CAMTA1: variants seen among roughly 807,000 people sequenced by gnomAD.
The protein encoded by CAMTA1 is calmodulin-binding transcription activator 1.
A neutral mutation model predicts 170.9 loss-of-function variants in CAMTA1; 27 were observed. The observed-to-expected ratio is 0.16, with a 90% CI of 0.12 to 0.22. The LOEUF is 0.22. Ranked by LOEUF, CAMTA1 falls within the 10% of genes least tolerant of loss-of-function variation. The pLI, the probability that CAMTA1 is intolerant of heterozygous loss-of-function variation, is 1.00. For missense variants in CAMTA1, 1,619 were observed against 2,217.2 expected, an observed-to-expected ratio of 0.73 and a Z score of 5.42; for synonymous variants, 833 against 891.5, an observed-to-expected ratio of 0.93 and a Z score of 1.17.
At chr1:7,199,594 G>T (rs934982521) in intron 4 of CAMTA1, among the ~76,000 whole-genome samples, 6 of 152,156 alleles carry the variant, frequency 3.9e-5, no homozygotes, top group Non-Finnish European at 7.3e-5. Flanking sequence ...CCAAGGCAGC[G>T]GTGGGCACGC....
intron 3 of CAMTA1, among the ~76,000 whole-genome samples, chr1:7,068,311 C>T (rs114433142): frequency 0.012 from 1,788 of 151,680 alleles, 29 homozygotes; most frequent in African/African-American, 0.04. Flanking sequence ...CTTGGATTTC[C>T]TCTTCCACCG....
intron 20 of CAMTA1, among the ~76,000 whole-genome samples, 178 bp downstream of exon 20, chr1:7,751,570 T>C (rs1320802895): frequency 6.6e-6 from 1 of 152,108 alleles, no homozygotes; most frequent in African/African-American, 2.4e-5. Flanking sequence ...CTGAGTCTGG[T>C]TTTGAATATT....
In CAMTA1 at chr1:7,337,284, C is replaced by T. The variant is rs148381386; in HGVS notation, c.438+87658C>T. On this transcript the variant is annotated intron_variant, in intron 5 of 22. Transcript: ENST00000303635. ...TCTTCCTTTGAGGGGAGGTAAGCAC[C>T]CCTTGCGAGGTTAGGAGAGGGCGTG... is the stretch of plus-strand genomic sequence containing the variant. Among the ~76,000 whole-genome samples, 13 of 152,306 alleles carry T rather than the reference C, an allele frequency of 8.5e-5. No homozygotes were observed. The East Asian group carries it at 2.5e-3, about 29-fold the overall frequency.
chr1:7,745,237 C>T (rs555441093), intron 17 of CAMTA1, among the ~76,000 whole-genome samples: 44 of 152,122 alleles, frequency 2.9e-4, no homozygotes, highest in African/African-American at 8.4e-4. Context: ...CATAAGAGAT[C>T]GTGTTAAGCT....
At chr1:7,091,171 T>G (rs1641421904) in intron 3 of CAMTA1, 133 bp from the exon 4 acceptor site, 2 of 697,916 alleles carry the variant, frequency 2.9e-6, no homozygotes, top group South Asian at 3.1e-5. Context: ...CCAAGTCGAG[T>G]ATTTCTCTAG....
chr1:6,998,439 T>C (rs566160678), intron 3 of CAMTA1, among the ~76,000 whole-genome samples: 56 of 152,308 alleles, frequency 3.7e-4, no homozygotes, highest in Non-Finnish European at 7.1e-4. Flanking sequence ...GCACATGCCA[T>C]GCCACTCCCT....
At chr1:6,989,339 G>GTAA (rs1351266507) in intron 3 of CAMTA1, among the ~76,000 whole-genome samples, 2 of 152,232 alleles carry the variant, frequency 1.3e-5, no homozygotes, top group African/African-American at 4.8e-5. Context: ...GGCCAGAGAA[G>GTAA]TAATTTCCTT....
chr1:7,148,043 C>T (rs1400281113), intron 4 of CAMTA1, among the ~76,000 whole-genome samples: 1 of 151,418 alleles, frequency 6.6e-6, no homozygotes, highest in Non-Finnish European at 1.5e-5. Flanking sequence ...CACACTCATA[C>T]ACCATGCACG....
chr1:7,513,137 A>C (rs2094225827), intron 6 of CAMTA1, among the ~76,000 whole-genome samples: 1 of 152,008 alleles, frequency 6.6e-6, no homozygotes, highest in African/African-American at 2.4e-5. Context: ...GCTTGTGACG[A>C]CCCAGGTGGG....
chr1:7,146,082 G>T lies in CAMTA1; in HGVS notation c.302+54711G>T, dbSNP rs1646166015. Among the ~76,000 whole-genome samples, 1 of 152,142 alleles carries T rather than the reference G, an allele frequency of 6.6e-6. No homozygotes were observed. The highest frequency in any genetic ancestry group is 1.5e-5 in the Non-Finnish European group (1 of 68,018). ...TGGCACTATGCCCAGTGCTTTAATTGGATCTTTTTTTTAAAATGGGATGAT... is the reference window on the plus strand; with the variant it reads ...TGGCACTATGCCCAGTGCTTTAATTTGATCTTTTTTTTAAAATGGGATGAT... On this transcript the variant is annotated intron_variant, in intron 4 of 22. Transcript: ENST00000303635. This position sits in a 1 kb window ranked among gnomAD's most constrained non-coding sequence, Gnocchi z 4.3.
At chr1:7,657,039 CTG>C (rs1000624149) in intron 7 of CAMTA1, among the ~76,000 whole-genome samples, 2 of 152,226 alleles carry the variant, frequency 1.3e-5, no homozygotes, top group Non-Finnish European at 2.9e-5. Flanking sequence ...AGTCCCCGGC[CTG>C]TGTTTCACGG....
intron 5 of CAMTA1, among the ~76,000 whole-genome samples, chr1:7,352,483 A>T (rs2084758589): frequency 6.6e-6 from 1 of 152,196 alleles, no homozygotes; most frequent in Non-Finnish European, 1.5e-5. Context: ...ACAGTGGCTG[A>T]GCTGATGACT....
intron 12 of CAMTA1, among the ~76,000 whole-genome samples, chr1:7,734,124 T>G (rs2149953108): frequency 6.6e-6 from 1 of 152,232 alleles, no homozygotes; most frequent in South Asian, 2.1e-4. Flanking sequence ...ATTTTGTATT[T>G]TTAGTAGAGA....
At chr1:6,914,761 A>C (rs1680438307) in intron 3 of CAMTA1, among the ~76,000 whole-genome samples, 1 of 152,182 alleles carries the variant, frequency 6.6e-6, no homozygotes, top group Non-Finnish European at 1.5e-5. Context: ...TGAGGCGCTC[A>C]TGTGGCCAGG....
intron 22 of CAMTA1, among the ~76,000 whole-genome samples, chr1:7,763,408 T>C (rs962422796): frequency 6.6e-6 from 1 of 152,258 alleles, no homozygotes; most frequent in African/African-American, 2.4e-5. Flanking sequence ...TGTGGAAGCC[T>C]GGAAAATATA....
Position 7,498,871 on chromosome 1 carries a change from A to C in CAMTA1, c.510+30970A>C, listed in dbSNP as rs868080139. Among the ~76,000 whole-genome samples, 43 of 92,386 alleles carry C rather than the reference A, an allele frequency of 4.7e-4. 2 individuals carry two copies. In the South Asian group the frequency reaches 0.018, roughly 40 times the overall value. The allele number at this position is 92,386 out of a possible 152,430, so 60.6% of individuals were successfully genotyped here. A position where few individuals can be genotyped will look rare whatever the true frequency, so the allele number is the denominator to read the frequency against. On this transcript the variant is annotated intron_variant, in intron 6 of 22. Coordinates refer to ENST00000303635, the MANE Select transcript of CAMTA1 (RefSeq NM_015215.4). ...GTATGTATGAGTGTGTGTGTGCATGAGTGAGTGTGTAGAGAGGATGGTGTG... is the reference window on the plus strand; with the variant it reads ...GTATGTATGAGTGTGTGTGTGCATGCGTGAGTGTGTAGAGAGGATGGTGTG...
intron 6 of CAMTA1, among the ~76,000 whole-genome samples, chr1:7,505,495 C>A (rs1041479890): frequency 6.6e-6 from 1 of 152,130 alleles, no homozygotes; most frequent in Non-Finnish European, 1.5e-5. Context: ...CTGGAGACAG[C>A]GGGAAAAGGA....
intron 6 of CAMTA1, among the ~76,000 whole-genome samples, chr1:7,522,159 G>A (rs2094374225): frequency 6.6e-6 from 1 of 152,176 alleles, no homozygotes; most frequent in Admixed American, 6.6e-5. Flanking sequence ...ACCAGCATTT[G>A]ATGTTGTCAC....
At chr1:7,579,225 G>A (rs2095233702) in intron 6 of CAMTA1, among the ~76,000 whole-genome samples, 1 of 152,252 alleles carries the variant, frequency 6.6e-6, no homozygotes, top group Non-Finnish European at 1.5e-5. Context: ...TAGCCCTCAT[G>A]CCCAAGCCTT....
Sources: allele counts gnomAD v4.1 joint callset (sites outside exome capture counted in the v4.1 genomes callset), GRCh38; gene constraint gnomAD v4.1.1; non-coding constraint Gnocchi (gnomAD v3.1); transcripts MANE v1.5; gene names NCBI Gene and HGNC (gene_info 2026-07-23, HGNC 2026-07-21).